The following MRTFA variants were observed in gnomAD, a reference collection of about 807,000 sequenced individuals.
The protein encoded by MRTFA is myocardin-related transcription factor A.
A neutral mutation model predicts 83.5 loss-of-function variants in MRTFA; 20 were observed. The observed-to-expected ratio is 0.24, with a 90% CI of 0.17 to 0.35. The LOEUF (loss-of-function observed/expected upper bound fraction) is 0.35. Among genes scored for constraint, MRTFA ranks in the 10% least tolerant of loss-of-function variants. The pLI, the probability that MRTFA is intolerant of heterozygous loss-of-function variation, is 1.00. For missense variants in MRTFA, 1,200 were observed against 1,224.7 expected (o/e 0.98, Z 0.30); for synonymous variants, 659 against 541.2 (o/e 1.22, Z -3.02).
intron 8 of MRTFA, 22 bp from the exon 9 acceptor site, chr22:40,423,707 G>C: frequency 6.6e-7 from 1 of 1,516,278 alleles, no homozygotes; most frequent in Non-Finnish European, 8.9e-7. Context: ...AAAGGGAAGT[G>C]AGGACATGGC....
intron 3 of MRTFA, among the ~76,000 whole-genome samples, chr22:40,545,681 C>A (rs1012287621): frequency 6.6e-6 from 1 of 151,942 alleles, no homozygotes; most frequent in Non-Finnish European, 1.5e-5. Context: ...GATCCACCCA[C>A]CTCGGCCTCC....
At chr22:40,623,968 G>A (rs772551800) in intron 1 of MRTFA, among the ~76,000 whole-genome samples, 1 of 152,136 alleles carries the variant, frequency 6.6e-6, no homozygotes, top group Non-Finnish European at 1.5e-5. Context: ...GCTAGGTGTG[G>A]TGGCACATGC....
At chr22:40,495,364 A>AG (rs1308654405) in intron 3 of MRTFA, among the ~76,000 whole-genome samples, 4 of 147,946 alleles carry the variant, frequency 2.7e-5, no homozygotes, top group East Asian at 2.0e-4. Flanking sequence ...AGGCAGGACG[A>AG]TCACTTGAAC....
At chr22:40,613,605 C>T (rs2056412419) in intron 1 of MRTFA, among the ~76,000 whole-genome samples, 1 of 151,968 alleles carries the variant, frequency 6.6e-6, no homozygotes, top group South Asian at 2.1e-4. Context: ...CCTGTAATCC[C>T]AACACTTTGG....
chr22:40,616,308 C>T (rs536717152), intron 1 of MRTFA, among the ~76,000 whole-genome samples: 12 of 152,156 alleles, frequency 7.9e-5, no homozygotes, highest in Non-Finnish European at 1.8e-4. Context: ...ATTTAAGGCA[C>T]CTGCTTGGAG....
At chr22:40,581,165 C>T (rs780799310) in intron 2 of MRTFA, among the ~76,000 whole-genome samples, 1 of 151,936 alleles carries the variant, frequency 6.6e-6, no homozygotes, top group African/African-American at 2.4e-5. Context: ...TATATTGACA[C>T]ATGTAGACCT....
Position 40,616,713 on chromosome 22 carries a change from T to C in MRTFA, c.-84+19765A>G, listed in dbSNP as rs1602499143. On this transcript the variant is annotated intron_variant, in intron 1 of 14. Coordinates refer to ENST00000355630, the MANE Select transcript of MRTFA (RefSeq NM_020831.6). The stretch of plus-strand genomic sequence containing the variant: ...GTTGGAGCCAGAGCAACTTTAGCAG[T>C]AGGAAATGAGGATTAAGAGTTCACT... Among the ~76,000 whole-genome samples, 7 of 152,050 alleles carry C rather than the reference T, an allele frequency of 4.6e-5. No individual in the cohort carries two copies. In the South Asian group the frequency reaches 1.5e-3, roughly 32 times the overall value.
intron 2 of MRTFA, among the ~76,000 whole-genome samples, chr22:40,592,137 G>T (rs1017924370): frequency 2.0e-5 from 3 of 151,882 alleles, no homozygotes. Context: ...TGTTTTAAAA[G>T]AATGTGTGGG....
chr22:40,421,082 C>T lies in MRTFA; in HGVS notation c.946G>A (p.Ala316Thr), dbSNP rs1164552451. 1.3e-6 allele frequency: 2 copies of T among 1,535,792 alleles called. No individual in the cohort carries two copies. Among genetic ancestry groups the T allele is most frequent in the African/African-American group, 2.8e-5 (2 of 72,622 alleles). The change falls in exon 10 of 15, where the codon GCC becomes ACC. Residue 316 changes from alanine (A) to threonine (T), a missense_variant. By Grantham distance (58) the Ala-to-Thr change is moderately conservative (BLOSUM62 0). Transcript: ENST00000355630. ...TTGCTGCGCTGTGACTTCTCACTGG[C>T]AGACTTGGGTTGGCTTTGCTGAGGG...
chr22:40,525,114 T>G (rs576009241), intron 3 of MRTFA, among the ~76,000 whole-genome samples: 3 of 152,166 alleles, frequency 2.0e-5, no homozygotes, highest in Admixed American at 6.6e-5. Context: ...CCAGCCAACA[T>G]AAGCTTTATT....
At chr22:40,564,731 C>A (rs1204110056) in intron 2 of MRTFA, among the ~76,000 whole-genome samples, 2 of 152,126 alleles carry the variant, frequency 1.3e-5, no homozygotes, top group African/African-American at 4.8e-5. Context: ...TGGCTCACTG[C>A]AACCTCCGTC....
intron 3 of MRTFA, among the ~76,000 whole-genome samples, chr22:40,496,207 A>G (rs2054352768): frequency 6.6e-6 from 1 of 152,146 alleles, no homozygotes; most frequent in Non-Finnish European, 1.5e-5. Flanking sequence ...CCATTTCCTC[A>G]TCTGTCAAAT....
intron 4 of MRTFA, among the ~76,000 whole-genome samples, chr22:40,451,486 G>A (rs1041628258): frequency 1.3e-5 from 2 of 152,136 alleles, no homozygotes; most frequent in Admixed American, 6.5e-5. Context: ...CAAACCAGCA[G>A]GAAGACCAAC....
chr22:40,622,114 C>A (rs1197129889), intron 1 of MRTFA, among the ~76,000 whole-genome samples: 1 of 152,082 alleles, frequency 6.6e-6, no homozygotes, highest in African/African-American at 2.4e-5. Context: ...ATATCCATAG[C>A]CTAATACCGG....
At chr22:40,489,020 T>A (rs1479812167) in intron 3 of MRTFA, among the ~76,000 whole-genome samples, 2 of 152,060 alleles carry the variant, frequency 1.3e-5, no homozygotes, top group Non-Finnish European at 2.9e-5. Context: ...AACACCAACG[T>A]TTCATGATGG....
intron 2 of MRTFA, among the ~76,000 whole-genome samples, chr22:40,564,803 C>T (rs998476870): frequency 2.0e-5 from 3 of 152,136 alleles, no homozygotes; most frequent in Non-Finnish European, 2.9e-5. Flanking sequence ...AGGCACACGC[C>T]GCCATTCCCG....
Position 40,500,943 on chromosome 22 carries a change from G to A in MRTFA, c.242-37657C>T, listed in dbSNP as rs2054458408. ...CAGACGGGGTGGTGGCCGGGCAGAG[G>A]GGCTCCTCACTTCCCAGTAGGGGCG... On this transcript the variant is annotated intron_variant, in intron 3 of 14. Coordinates refer to ENST00000355630, the MANE Select transcript of MRTFA (RefSeq NM_020831.6). 1.4e-5 allele frequency among the ~76,000 whole-genome samples: 2 copies of A among 146,312 alleles called. 1 individual carries two copies. The highest frequency in any genetic ancestry group is 4.4e-4 in the South Asian group (2 of 4,568).
In MRTFA at chr22:40,586,025, A is replaced by G. The variant is rs149526750; in HGVS notation, c.-22+8649T>C. On this transcript the variant is annotated intron_variant, in intron 2 of 14. Transcript: ENST00000355630. ...TGAAACTTTTGTTTTAGATATCGAT[A>G]TACTTACGTGTGTATTGGGTCTGAA... 5.8e-3 allele frequency among the ~76,000 whole-genome samples: 885 copies of G among 152,340 alleles called. 9 individuals are homozygous for G. The highest frequency in any genetic ancestry group is 0.021 in the African/African-American group (861 of 41,572).
intron 2 of MRTFA, among the ~76,000 whole-genome samples, chr22:40,575,882 C>CA (rs902409453): frequency 2.0e-5 from 3 of 152,170 alleles, no homozygotes; most frequent in Admixed American, 2.0e-4. Context: ...GACTGAGTGA[C>CA]ATACTACATG....
Sources: allele counts gnomAD v4.1 joint callset (sites outside exome capture counted in the v4.1 genomes callset), GRCh38; gene constraint gnomAD v4.1.1; transcripts MANE v1.5; gene names NCBI Gene and HGNC (gene_info 2026-07-23, HGNC 2026-07-21).